Variants in FANCC observed in about 807,000 individuals in gnomAD.
FANCC encodes FA complementation group C.
A neutral mutation model predicts 71.3 loss-of-function variants in FANCC; 55 were observed. That is an observed-to-expected ratio of 0.77 (90% CI 0.62 to 0.97). The LOEUF (loss-of-function observed/expected upper bound fraction) is 0.97. FANCC is among the 50% of genes least tolerant of loss of function. The pLI is 0.00. For missense variants in FANCC, 678 were observed against 670.9 expected, an observed-to-expected ratio of 1.01 and a Z score of -0.12; for synonymous variants, 275 against 244.9, an observed-to-expected ratio of 1.12 and a Z score of -1.15.
chr9:95,134,199 C>T (rs748659629), intron 8 of FANCC, among the ~76,000 whole-genome samples: 8 of 152,234 alleles, frequency 5.3e-5, no homozygotes, highest in South Asian at 4.1e-4. Flanking sequence ...AGGGGAGAAA[C>T]GGGATCGCGG....
At chr9:95,275,555 G>A (rs1056736378) in intron 1 of FANCC, among the ~76,000 whole-genome samples, 8 of 152,044 alleles carry the variant, frequency 5.3e-5, no homozygotes, top group Non-Finnish European at 1.2e-4. Flanking sequence ...ACTCTGGTGG[G>A]GGATGTTGAC....
chr9:95,227,630 G>T (rs10993490), intron 4 of FANCC, among the ~76,000 whole-genome samples: 1 of 151,890 alleles, frequency 6.6e-6, no homozygotes, highest in African/African-American at 2.4e-5. Context: ...TTTCAACAAA[G>T]AAGCCACCAT....
chr9:95,139,675 G>A (rs1828290213), intron 7 of FANCC, among the ~76,000 whole-genome samples: 1 of 151,634 alleles, frequency 6.6e-6, no homozygotes, highest in African/African-American at 2.4e-5. Flanking sequence ...CTTTTGTTTT[G>A]ACAATGAGCA....
intron 7 of FANCC, among the ~76,000 whole-genome samples, chr9:95,146,930 G>C (rs1338805777): frequency 6.6e-6 from 1 of 151,680 alleles, no homozygotes; most frequent in African/African-American, 2.4e-5. Flanking sequence ...ACACTTTGTT[G>C]GGTTTTGTAG....
intron 4 of FANCC, among the ~76,000 whole-genome samples, chr9:95,206,115 TA>T (rs1206550458): frequency 5.3e-5 from 8 of 152,054 alleles, no homozygotes; most frequent in Non-Finnish European, 1.0e-4. Flanking sequence ...GCATCATATG[TA>T]AAAAGGTTTT....
intron 6 of FANCC, among the ~76,000 whole-genome samples, chr9:95,166,421 T>A (rs994177578): frequency 6.6e-6 from 1 of 152,128 alleles, no homozygotes; most frequent in Non-Finnish European, 1.5e-5. Flanking sequence ...GGCATTACAT[T>A]AAACATCTTA....
chr9:95,121,396 T>C (rs1236025353), intron 10 of FANCC, among the ~76,000 whole-genome samples: 1 of 152,172 alleles, frequency 6.6e-6, no homozygotes, highest in Non-Finnish European at 1.5e-5. Flanking sequence ...GGAGAGAATG[T>C]GGATTTATGG....
intron 1 of FANCC, among the ~76,000 whole-genome samples, chr9:95,296,328 A>G (rs1834370919): frequency 6.6e-6 from 1 of 152,218 alleles, no homozygotes; most frequent in African/African-American, 2.4e-5. Context: ...AAAAGTAGTA[A>G]AGAGACAGAT....
At chr9:95,252,439 T>G (rs1831405791) in intron 1 of FANCC, among the ~76,000 whole-genome samples, 1 of 151,628 alleles carries the variant, frequency 6.6e-6, no homozygotes, top group Non-Finnish European at 1.5e-5. Context: ...GACAAACATT[T>G]TATTCAAATA....
chr9:95,172,281 A>G, intron 4 of FANCC, 134 bp from the exon 5 acceptor site: 2 of 612,518 alleles, frequency 3.3e-6, no homozygotes, highest in Non-Finnish European at 5.8e-6. Context: ...CAAAGTACCC[A>G]ATTTACTTTG....
Position 95,117,367 on chromosome 9 carries a change from G to A in FANCC, c.1020C>T (p.Tyr340=), listed in dbSNP as rs780089246. 3 of 1,614,094 alleles carry A rather than the reference G, an allele frequency of 1.9e-6. No homozygotes were observed. ...SKQLRFALKT[Y]FPYTSPSLAM... is the part of the protein sequence containing the mutation. ...CAAGAGATGGAGAAGTGTAAGGAAA[G>A]TAGGTCTTGAGTGCAAACCGCAGCT... Residue 340 remains tyrosine (Y), a synonymous_variant, in exon 11 of 15, where the codon TAC becomes TAT. Transcript: ENST00000289081.
At chr9:95,317,200 C>T (rs935160606) in intron 1 of FANCC, 1 of 152,822 alleles carries the variant, frequency 6.5e-6, no homozygotes, top group Non-Finnish European at 1.5e-5. Context: ...AACGCCAACA[C>T]CCGGCTCCCG....
chr9:95,156,854 T>C (rs891646041), intron 6 of FANCC, among the ~76,000 whole-genome samples: 11 of 152,172 alleles, frequency 7.2e-5, no homozygotes, highest in African/African-American at 2.7e-4. Context: ...ATAATAACAA[T>C]TAAAATAGGT....
At chr9:95,104,930 G>A (rs553934332) in intron 14 of FANCC, among the ~76,000 whole-genome samples, 6 of 152,164 alleles carry the variant, frequency 3.9e-5, no homozygotes, top group Non-Finnish European at 8.8e-5. Flanking sequence ...CCACCCATAG[G>A]TGAGAGCATG....
At chr9:95,309,774 CAT>C (rs926133289) in intron 1 of FANCC, among the ~76,000 whole-genome samples, 10 of 152,266 alleles carry the variant, frequency 6.6e-5, no homozygotes, top group East Asian at 1.9e-4. Flanking sequence ...GTGGGACACA[CAT>C]GTTTGTGGGG....
At chr9:95,252,072 GT>G (rs912772921) in intron 1 of FANCC, among the ~76,000 whole-genome samples, 7 of 151,960 alleles carry the variant, frequency 4.6e-5, no homozygotes, top group Non-Finnish European at 7.4e-5. Context: ...GAGGTCAGGA[GT>G]TTGAGACCAG....
At chr9:95,199,620 G>A (rs1401992870) in intron 4 of FANCC, among the ~76,000 whole-genome samples, 5 of 152,170 alleles carry the variant, frequency 3.3e-5, no homozygotes, top group Non-Finnish European at 7.3e-5. Context: ...GCACAGCACA[G>A]ACAGTGCCCA....
At chr9:95,267,120 A>C (rs1015235026) in intron 1 of FANCC, among the ~76,000 whole-genome samples, 3 of 152,120 alleles carry the variant, frequency 2.0e-5, no homozygotes, top group Non-Finnish European at 4.4e-5. Context: ...GGGTCCAAAA[A>C]CAGGCAATGA....
chr9:95,176,425 C>T (rs548168938), intron 4 of FANCC, among the ~76,000 whole-genome samples: 126 of 152,318 alleles, frequency 8.3e-4, no homozygotes, highest in African/African-American at 2.7e-3. Flanking sequence ...AGCCTGTTTG[C>T]GACCCTGGAG....
Sources: gnomAD v4.1 joint callset for allele counts (sites outside exome capture counted in the v4.1 genomes callset) on GRCh38, gnomAD v4.1.1 for gene constraint, MANE v1.5 for transcripts, NCBI Gene and HGNC (gene_info 2026-07-23, HGNC 2026-07-21) for gene names.